The following KLHL2 variants were observed in gnomAD, a reference collection of about 807,000 sequenced individuals.
KLHL2 encodes kelch-like protein 2.
In KLHL2, 15 loss-of-function variants were observed where a neutral mutation model predicts 75.8. That is an observed-to-expected ratio of 0.20 (90% CI 0.13 to 0.30). KLHL2 has a LOEUF of 0.30. KLHL2 is among the 10% of genes least tolerant of loss of function. The pLI, the probability that KLHL2 is intolerant of heterozygous loss-of-function variation, is 1.00. For synonymous variants in KLHL2, 214 were observed against 251.9 expected, an observed-to-expected ratio of 0.85 and a Z score of 1.42; for missense variants, 381 against 741.0, an observed-to-expected ratio of 0.51 and a Z score of 5.64.
rs79583875 is a variant in KLHL2, at chr4:165,311,809, C to G, written c.1339+244C>G. Reference sequence around the variant, plus strand: ...TCCCTTTATCCCTCCTCCTTTCTCTCTGTGTGTGTGTGTGTGTGTGTGTGT... The same window carrying G: ...TCCCTTTATCCCTCCTCCTTTCTCTGTGTGTGTGTGTGTGTGTGTGTGTGT... On this transcript the variant is annotated intron_variant, in intron 11 of 14. Transcript: ENST00000226725. Among the ~76,000 whole-genome samples the G allele has an allele frequency of 0.087, 12,552 of 144,916 alleles. 743 individuals are homozygous for G. Among genetic ancestry groups the G allele is most frequent in the Non-Finnish European group, 0.12 (7,590 of 65,448 alleles).
chr4:165,311,809 CTGTGTGTGTGTGTGTGTGTG>C (rs60870309), intron 11 of KLHL2, among the ~76,000 whole-genome samples: 7 of 144,788 alleles, frequency 4.8e-5, no homozygotes, highest in Non-Finnish European at 9.2e-5. Context: ...TCCTTTCTCT[CTGTGTGTGTGTGTGTGTGTG>C]TGTGTGTGTG....
intron 5 of KLHL2, chr4:165,279,317 T>C (rs777499295): frequency 2.3e-5 from 36 of 1,557,564 alleles, no homozygotes; most frequent in Non-Finnish European, 3.0e-5. Flanking sequence ...CACCACAGCA[T>C]TGTAGAGAGG....
chr4:165,271,405 T>C (rs1216321484), intron 5 of KLHL2, among the ~76,000 whole-genome samples: 1 of 152,212 alleles, frequency 6.6e-6, no homozygotes, highest in Non-Finnish European at 1.5e-5. Flanking sequence ...TATTTTATTT[T>C]GTAGCTATTA....
chr4:165,301,196 A>T (rs1356544971), intron 8 of KLHL2, among the ~76,000 whole-genome samples: 1 of 152,206 alleles, frequency 6.6e-6, no homozygotes, highest in Admixed American at 6.5e-5. Context: ...ATAACATCTG[A>T]TGAGGTTGAG....
chr4:165,273,458 A>G (rs146146184), intron 5 of KLHL2, among the ~76,000 whole-genome samples: 13 of 152,322 alleles, frequency 8.5e-5, no homozygotes, highest in Non-Finnish European at 1.8e-4. Flanking sequence ...TGGTTTGGCT[A>G]TGTCCCCACC....
rs768611070 is a variant in KLHL2 at position 165,299,651 on chromosome 4, C to G, written c.916C>G (p.Pro306Ala). 6.3e-7 allele frequency: 1 copy of G among 1,599,512 alleles called. No individual in the cohort carries two copies. Among genetic ancestry groups the G allele is most frequent in the Non-Finnish European group, 8.5e-7 (1 of 1,174,446 alleles). ...CCGGCTGAGGACACCCATGAACCTT[C>G]CCAAAGTAGGATCTGTTTCTCATGC... Reference protein sequence around the residue: ...RTRLRTPMNLPKLMVVVGGQA... With the variant: ...RTRLRTPMNLAKLMVVVGGQA... The change falls in exon 8 of 15, where the codon CCC (proline) becomes GCC (alanine). Residue 306 changes from proline (P) to alanine (A), a missense_variant. Physicochemically the swap from Pro to Ala is conservative, Grantham distance 27. Around this residue, in one of 5 missense-constraint regions of KLHL2, gnomAD observed 168 missense variants for 370.4 expected, o/e 0.45. Coordinates refer to ENST00000226725, the MANE Select transcript of KLHL2 (RefSeq NM_007246.4).
chr4:165,296,697 G>A (rs1037580348), intron 6 of KLHL2, among the ~76,000 whole-genome samples: 1 of 152,174 alleles, frequency 6.6e-6, no homozygotes, highest in Non-Finnish European at 1.5e-5. Context: ...TAGAAGCAGG[G>A]GGGAGAGAAG....
At chr4:165,294,081 C>T (rs1579141664) in intron 5 of KLHL2, among the ~76,000 whole-genome samples, 1 of 152,168 alleles carries the variant, frequency 6.6e-6, no homozygotes, top group African/African-American at 2.4e-5. Context: ...AAAATACCAC[C>T]ATGTAAAACA....
At chr4:165,276,550 TTAAGA>T (rs1479457238) in intron 5 of KLHL2, among the ~76,000 whole-genome samples, 1 of 152,150 alleles carries the variant, frequency 6.6e-6, no homozygotes, top group East Asian at 1.9e-4. Flanking sequence ...CAAAGTAATT[TTAAGA>T]TATTTTTAAA....
At chr4:165,318,855 A>G (rs1237526147) in intron 14 of KLHL2, among the ~76,000 whole-genome samples, 1 of 152,102 alleles carries the variant, frequency 6.6e-6, no homozygotes, top group South Asian at 2.1e-4. Context: ...ACCTAGAAAT[A>G]TTGAAAAAAT....
intron 13 of KLHL2, 132 bp from the exon 14 acceptor site, chr4:165,317,694 C>T: frequency 1.5e-6 from 1 of 684,844 alleles, no homozygotes; most frequent in Non-Finnish European, 2.4e-6. Flanking sequence ...TCTTTTCATG[C>T]TCACTATTTT....
At chr4:165,252,033 T>A in intron 4 of KLHL2, among the ~76,000 whole-genome samples, 1 of 152,234 alleles carries the variant, frequency 6.6e-6, no homozygotes, top group Non-Finnish European at 1.5e-5. Context: ...TCTCCATGGC[T>A]GAATCATTTT....
rs776667048 is a variant in KLHL2, at chr4:165,294,411, C to T, written c.597C>T (p.Ile199=). ...VLSEEFLNLG[I]EQVCSLISSD... is the part of the protein sequence containing the mutation. The stretch of plus-strand genomic sequence containing the variant: ...GTGAAGAATTTCTCAATCTTGGCAT[C>T]GAACAAGTGTGCAGCTTAATCTCAA... The change falls in exon 6 of 15, where the codon ATC becomes ATT. Residue 199 remains isoleucine (I), a synonymous_variant. Coordinates refer to ENST00000226725, the MANE Select transcript of KLHL2 (RefSeq NM_007246.4). 11 of 1,611,448 alleles carry T rather than the reference C, an allele frequency of 6.8e-6. No homozygotes were observed. The highest frequency in any genetic ancestry group is 1.1e-5 in the South Asian group (1 of 90,952).
At chr4:165,210,174 T>C in intron 1 of KLHL2, 1 of 1,551,696 alleles carries the variant, frequency 6.4e-7, no homozygotes, top group Non-Finnish European at 8.7e-7. Flanking sequence ...CCCCAGATTC[T>C]CTTTGTGTAA....
intron 3 of KLHL2, among the ~76,000 whole-genome samples, chr4:165,236,545 C>T (rs1323487561): frequency 6.6e-6 from 1 of 152,104 alleles, no homozygotes; most frequent in Non-Finnish European, 1.5e-5. Flanking sequence ...AATGCATTAG[C>T]AATCAGAAAT....
chr4:165,305,430 G>A (rs577365971), intron 8 of KLHL2, among the ~76,000 whole-genome samples, 178 bp from the exon 9 acceptor site: 2 of 152,226 alleles, frequency 1.3e-5, no homozygotes, highest in Admixed American at 6.5e-5. Context: ...TATTTTTAAC[G>A]TGTGTCCCCT....
chr4:165,294,909 G>A (rs1744799083), intron 6 of KLHL2, among the ~76,000 whole-genome samples: 1 of 152,152 alleles, frequency 6.6e-6, no homozygotes. Flanking sequence ...CTAGGATGGC[G>A]AAGTTTTGGT....
At position 165,264,750 on chromosome 4, in the gene KLHL2, A is replaced by G. The variant is rs191598829; in HGVS notation, c.544+1391A>G. ...TATATATATATATATGTATATATATATATATATATATATATAAAACATTAT... is the reference window on the plus strand; with the variant it reads ...TATATATATATATATGTATATATATGTATATATATATATATAAAACATTAT... On this transcript the variant is annotated intron_variant, in intron 5 of 14. Transcript: ENST00000226725. Among the ~76,000 whole-genome samples, 176 of 88,254 alleles carry G rather than the reference A, an allele frequency of 2.0e-3. 3 individuals carry two copies. Among genetic ancestry groups the G allele is most frequent in the Admixed American group, 5.7e-3 (47 of 8,282 alleles). 57.9% of individuals were successfully genotyped at this position (88,254 alleles called of 152,430 possible).
chr4:165,304,474 A>G (rs76728242), intron 8 of KLHL2, among the ~76,000 whole-genome samples: 4,614 of 151,830 alleles, frequency 0.03, 223 homozygotes, highest in African/African-American at 0.1. Flanking sequence ...TCTAACATCT[A>G]TTTTTCCAAT....
Sources: allele counts gnomAD v4.1 joint callset (sites outside exome capture counted in the v4.1 genomes callset), GRCh38; gene constraint gnomAD v4.1.1; regional missense constraint gnomAD v4.1.1; transcripts MANE v1.5; gene names NCBI Gene and HGNC (gene_info 2026-07-23, HGNC 2026-07-21).